Variants in RHOBTB1 observed in about 807,000 individuals in gnomAD.
RHOBTB1 encodes rho-related BTB domain-containing protein 1.
RHOBTB1 carries 40 observed loss-of-function variants against 71.6 expected under a neutral mutation model. That is an observed-to-expected ratio of 0.56 (90% confidence interval 0.43 to 0.73). RHOBTB1 has a LOEUF of 0.73. Among genes scored for constraint, RHOBTB1 ranks in the 30% least tolerant of loss-of-function variants. RHOBTB1 has a pLI of 0.00. For missense variants in RHOBTB1, 797 were observed against 894.0 expected (o/e 0.89, Z 1.38); for synonymous variants, 319 against 334.9 (o/e 0.95, Z 0.52).
chr10:60,887,988 T>G (rs972072865), intron 6 of RHOBTB1, among the ~76,000 whole-genome samples: 1 of 152,174 alleles, frequency 6.6e-6, no homozygotes, highest in Non-Finnish European at 1.5e-5. Flanking sequence ...ACCTAACCTC[T>G]CTGTCCCTTG....
chr10:60,931,389 A>T (rs1215105795), intron 2 of RHOBTB1, among the ~76,000 whole-genome samples: 1 of 152,184 alleles, frequency 6.6e-6, no homozygotes, highest in Non-Finnish European at 1.5e-5. Flanking sequence ...CTGTCTCTAC[A>T]GATTTTCCTA....
At chr10:60,971,484 C>T (rs544541041) in intron 2 of RHOBTB1, among the ~76,000 whole-genome samples, 2,229 of 152,236 alleles carry the variant, frequency 0.015, 22 homozygotes, top group Middle Eastern at 0.024. Context: ...GGAAAACTGG[C>T]TAGCCATATG....
At chr10:60,885,530 C>T (rs1189599842) in intron 7 of RHOBTB1, among the ~76,000 whole-genome samples, 1 of 152,154 alleles carries the variant, frequency 6.6e-6, no homozygotes, top group African/African-American at 2.4e-5. Context: ...ATCCCCTCAA[C>T]ACAGGCAGAG....
chr10:60,902,556 A>C (rs750593), intron 4 of RHOBTB1, among the ~76,000 whole-genome samples: 69 of 152,102 alleles, frequency 4.5e-4, no homozygotes, highest in African/African-American at 1.6e-3. Context: ...ACTCATTCAC[A>C]AAAGGCATTA....
intron 5 of RHOBTB1, 46 bp downstream of exon 5, chr10:60,892,764 A>G: frequency 6.5e-7 from 1 of 1,547,828 alleles, no homozygotes; most frequent in Non-Finnish European, 8.7e-7. Flanking sequence ...CTGCCTGTAA[A>G]TTTTAACTTG....
intron 4 of RHOBTB1, among the ~76,000 whole-genome samples, chr10:60,895,676 T>C (rs1445985448): frequency 6.6e-6 from 1 of 152,254 alleles, no homozygotes; most frequent in Non-Finnish European, 1.5e-5. Flanking sequence ...AGTGCTGGGA[T>C]TACAGGCGCA....
At chr10:60,941,907 T>C (rs923976868) in intron 1 of RHOBTB1, 53 bp from the exon 2 acceptor site, 2 of 152,162 alleles carry the variant, frequency 1.3e-5, no homozygotes, top group South Asian at 2.1e-4. Flanking sequence ...CAGGAGTACA[T>C]GGGGAGCCAC....
intron 2 of RHOBTB1, among the ~76,000 whole-genome samples, chr10:60,919,882 T>C (rs2083462177): frequency 6.6e-6 from 1 of 152,218 alleles, no homozygotes; most frequent in Non-Finnish European, 1.5e-5. Flanking sequence ...TTCTACCTTA[T>C]GTGCTGTTCT....
At chr10:60,886,669 G>A (rs1270521995) in intron 6 of RHOBTB1, among the ~76,000 whole-genome samples, 2 of 146,514 alleles carry the variant, frequency 1.4e-5, no homozygotes, top group Non-Finnish European at 3.0e-5. Context: ...TGCTCTACTC[G>A]TATGCTATAC....
At chr10:60,984,483 C>T (rs1241570750) in intron 2 of RHOBTB1, among the ~76,000 whole-genome samples, 7 of 152,036 alleles carry the variant, frequency 4.6e-5, no homozygotes, top group Admixed American at 2.0e-4. Context: ...GCTTATGAAA[C>T]GTAGGGCTTG....
chr10:60,874,115 A>G (rs2080931464), intron 9 of RHOBTB1, among the ~76,000 whole-genome samples: 1 of 152,218 alleles, frequency 6.6e-6, no homozygotes, highest in Non-Finnish European at 1.5e-5. Context: ...GGACTGACCT[A>G]AGACTTAGTA....
chr10:60,964,687 C>T (rs1313372641), intron 2 of RHOBTB1, among the ~76,000 whole-genome samples: 2 of 151,866 alleles, frequency 1.3e-5, no homozygotes, highest in African/African-American at 4.8e-5. Flanking sequence ...TTTTCAATGC[C>T]CCAGAAACCA....
intron 4 of RHOBTB1, among the ~76,000 whole-genome samples, chr10:60,900,674 G>A (rs2133073534): frequency 6.6e-6 from 1 of 152,264 alleles, no homozygotes; most frequent in South Asian, 2.1e-4. Context: ...AGTAAAACCT[G>A]CATATACAAA....
chr10:60,868,896 C>T (rs1349198061), downstream of RHOBTB1, among the ~76,000 whole-genome samples: 2 of 152,194 alleles, frequency 1.3e-5, no homozygotes, highest in Non-Finnish European at 2.9e-5. Flanking sequence ...TTACAGTGGT[C>T]AGCACCTTCC....
At chr10:60,912,215 G>GTATATATATACACA (rs1554840236) in intron 2 of RHOBTB1, among the ~76,000 whole-genome samples, 1 of 144,648 alleles carries the variant, frequency 6.9e-6, no homozygotes, top group Non-Finnish European at 1.5e-5. Flanking sequence ...ATATATATGT[G>GTATATATATACACA]TATATATATA....
In RHOBTB1 at chr10:60,899,816, A is replaced by G. The variant is rs2082328659; in HGVS notation, c.297-6821T>C. Among the ~76,000 whole-genome samples, 3 of 152,200 alleles carry G rather than the reference A, an allele frequency of 2.0e-5. No individual in the cohort carries two copies. The South Asian group carries it at 6.2e-4, about 32-fold the overall frequency. ...ACAGACAATCAAGAAGAAAAATATT[A>G]AAAATAGGTAGTGCTAAGTGCCAAT... is the stretch of plus-strand genomic sequence containing the variant. On this transcript the variant is annotated intron_variant, in intron 4 of 10. Transcript: ENST00000337910.
chr10:60,886,144 C>A lies in RHOBTB1; in HGVS notation c.1543G>T (p.Gly515Trp), dbSNP rs9665346. The change falls in exon 7 of 11, where the codon GGG becomes TGG. Residue 515 changes from glycine (G) to tryptophan (W), a missense_variant. This residue lies in a region of RHOBTB1 where 658 missense variants were observed against 681.5 expected (regional missense o/e 0.97). Coordinates refer to ENST00000337910, the MANE Select transcript of RHOBTB1 (RefSeq NM_014836.5). ...CSCEWMAAMFGGSFVESANSE... is the reference protein window; with the variant it reads ...CSCEWMAAMFWGSFVESANSE... The stretch of plus-strand genomic sequence containing the variant: ...TTGGCACTTTCCACAAATGACCCCC[C>A]GAACATGGCTGCCATCCACTCACAG... 5.0e-6 allele frequency: 8 copies of A among 1,613,944 alleles called. No homozygotes were observed. The highest frequency in any genetic ancestry group is 6.8e-6 in the Non-Finnish European group (8 of 1,179,968).
At chr10:60,968,960 C>T (rs1333722222) in intron 2 of RHOBTB1, among the ~76,000 whole-genome samples, 3 of 151,898 alleles carry the variant, frequency 2.0e-5, no homozygotes, top group Non-Finnish European at 4.4e-5. Flanking sequence ...AATGCTGATG[C>T]CCGTGTTCTT....
chr10:60,933,009 T>G (rs540289556), intron 2 of RHOBTB1, among the ~76,000 whole-genome samples: 1 of 152,368 alleles, frequency 6.6e-6, no homozygotes, highest in South Asian at 2.1e-4. Context: ...TTTATGAGAC[T>G]ATCATATGCT....
Sources: allele counts gnomAD v4.1 joint callset (sites outside exome capture counted in the v4.1 genomes callset), GRCh38; gene constraint gnomAD v4.1.1; regional missense constraint gnomAD v4.1.1; transcripts MANE v1.5; gene names NCBI Gene and HGNC (gene_info 2026-07-23, HGNC 2026-07-21).